NRG3: variants seen among roughly 807,000 people sequenced by gnomAD.
NRG3 encodes neuregulin 3.
A neutral mutation model predicts 66.9 loss-of-function variants in NRG3; 31 were observed. The observed-to-expected ratio is 0.46, with a 90% CI of 0.35 to 0.63. NRG3 has a LOEUF of 0.63. Among genes scored for constraint, NRG3 ranks in the 20% least tolerant of loss-of-function variants. The pLI is 0.00. For synonymous variants in NRG3, 393 were observed against 359.4 expected, an observed-to-expected ratio of 1.09 and a Z score of -1.06; for missense variants, 910 against 878.9, an observed-to-expected ratio of 1.04 and a Z score of -0.45.
chr10:81,903,824 A>G (rs562914784), intron 1 of NRG3, among the ~76,000 whole-genome samples: 1 of 152,224 alleles, frequency 6.6e-6, no homozygotes, highest in South Asian at 2.1e-4. Context: ...ATGGAAACCT[A>G]ATTATTCAGA....
intron 2 of NRG3, among the ~76,000 whole-genome samples, chr10:82,552,593 T>A (rs1431058354): frequency 6.6e-6 from 1 of 152,178 alleles, no homozygotes; most frequent in Non-Finnish European, 1.5e-5. Context: ...AACATTTCAG[T>A]AATTCTCCAA....
chr10:82,614,994 G>A (rs777108047), intron 2 of NRG3, among the ~76,000 whole-genome samples: 17 of 151,746 alleles, frequency 1.1e-4, no homozygotes, highest in South Asian at 4.2e-4. Flanking sequence ...TTGATAAAAC[G>A]GGTGGTATCC....
intron 1 of NRG3, among the ~76,000 whole-genome samples, chr10:81,919,370 C>T (rs761453585): frequency 1.3e-5 from 2 of 152,192 alleles, no homozygotes; most frequent in African/African-American, 2.4e-5. Context: ...CCTCTTTGAA[C>T]GTCTCCTCCC....
At chr10:82,302,428 A>C (rs2080455213) in intron 1 of NRG3, among the ~76,000 whole-genome samples, 1 of 152,136 alleles carries the variant, frequency 6.6e-6, no homozygotes, top group South Asian at 2.1e-4. Context: ...TAGTCACATA[A>C]AATTCTGCTG....
intron 3 of NRG3, among the ~76,000 whole-genome samples, chr10:82,826,838 T>G (rs936109826): frequency 6.6e-6 from 1 of 151,952 alleles, no homozygotes; most frequent in Admixed American, 6.6e-5. Context: ...GGACATACCT[T>G]GTACACCAAA....
intron 3 of NRG3, among the ~76,000 whole-genome samples, chr10:82,820,057 A>C (rs1047919398): frequency 6.6e-6 from 1 of 152,186 alleles, no homozygotes; most frequent in Non-Finnish European, 1.5e-5. Context: ...TACTTACAGG[A>C]TGGTTTCCGA....
At chr10:82,415,456 C>T (rs2088481315) in intron 2 of NRG3, among the ~76,000 whole-genome samples, 1 of 152,122 alleles carries the variant, frequency 6.6e-6, no homozygotes, top group African/African-American at 2.4e-5. Context: ...AGGAAAAATA[C>T]ACAAGAAGGA....
intron 1 of NRG3, among the ~76,000 whole-genome samples, chr10:82,222,459 G>C (rs1047339065): frequency 7.2e-5 from 11 of 152,088 alleles, no homozygotes; most frequent in Non-Finnish European, 1.6e-4. Context: ...GGACACAAAG[G>C]ATGTACCAAG....
chr10:82,543,917 A>G lies in NRG3; in HGVS notation c.953+185049A>G, dbSNP rs578199406. 8.5e-5 allele frequency among the ~76,000 whole-genome samples: 13 copies of G among 152,306 alleles called. No individual in the cohort carries two copies. In the South Asian group the frequency reaches 2.7e-3, roughly 32 times the overall value. ...CTGGAGCCTTTTTGCAGTGCTAGGG[A>G]TATGACAACTAAGCAAAGACTTCTG... On this transcript the variant is annotated intron_variant, in intron 2 of 8. Transcript: ENST00000372141.
At chr10:81,937,842 C>T (rs762922994) in intron 1 of NRG3, among the ~76,000 whole-genome samples, 3 of 152,018 alleles carry the variant, frequency 2.0e-5, no homozygotes, top group Non-Finnish European at 4.4e-5. Context: ...AAAGCTTCTC[C>T]CCTGATTCAT....
intron 1 of NRG3, among the ~76,000 whole-genome samples, chr10:82,313,158 G>A (rs1435894488): frequency 6.6e-6 from 1 of 151,814 alleles, no homozygotes; most frequent in Admixed American, 6.6e-5. Context: ...ACCTGACAGA[G>A]CGAGACCCTG....
chr10:82,307,578 A>G (rs183001124), intron 1 of NRG3, among the ~76,000 whole-genome samples: 144 of 152,320 alleles, frequency 9.5e-4, no homozygotes, highest in Non-Finnish European at 1.2e-3. Flanking sequence ...CTTTACCAGG[A>G]TGTTTCACAG....
chr10:82,085,994 T>A (rs1487959784), intron 1 of NRG3, among the ~76,000 whole-genome samples: 2 of 152,118 alleles, frequency 1.3e-5, no homozygotes, highest in Non-Finnish European at 2.9e-5. Flanking sequence ...GGGGATTAAA[T>A]ATTCAACAAA....
chr10:82,161,984 T>C (rs10884269), intron 1 of NRG3, among the ~76,000 whole-genome samples: 3,575 of 152,246 alleles, frequency 0.023, 73 homozygotes, highest in African/African-American at 0.056. Context: ...TTGATCATTC[T>C]CAATATCAGT....
At chr10:82,922,017 C>A (rs934725417) in intron 4 of NRG3, among the ~76,000 whole-genome samples, 6 of 151,934 alleles carry the variant, frequency 3.9e-5, no homozygotes, top group Admixed American at 6.6e-5. Flanking sequence ...AAATATAAAT[C>A]ATTGTTATCG....
chr10:82,367,724 G>C (rs1475571962), intron 2 of NRG3, among the ~76,000 whole-genome samples: 1 of 152,058 alleles, frequency 6.6e-6, no homozygotes, highest in Non-Finnish European at 1.5e-5. Context: ...ACCGAACGTG[G>C]TGGCTCACGC....
intron 8 of NRG3, among the ~76,000 whole-genome samples, chr10:82,984,413 G>A (rs893655074): frequency 1.3e-5 from 2 of 152,180 alleles, no homozygotes; most frequent in Admixed American, 6.5e-5. Context: ...ATGGGTAGAA[G>A]CCCTGTGGAA....
intron 7 of NRG3, among the ~76,000 whole-genome samples, chr10:82,977,776 T>A (rs1446890676): frequency 2.0e-5 from 3 of 152,102 alleles, no homozygotes; most frequent in Non-Finnish European, 2.9e-5. Context: ...TACCAGATTT[T>A]CAAACTCTAA....
At chr10:82,635,625 G>T (rs561367942) in intron 2 of NRG3, among the ~76,000 whole-genome samples, 2 of 152,068 alleles carry the variant, frequency 1.3e-5, no homozygotes, top group Non-Finnish European at 2.9e-5. Flanking sequence ...ATCTGTCCTC[G>T]ACGTAGCAGA....
Sources: allele counts gnomAD v4.1 joint callset (sites outside exome capture counted in the v4.1 genomes callset), GRCh38; gene constraint gnomAD v4.1.1; transcripts MANE v1.5; gene names NCBI Gene and HGNC (gene_info 2026-07-23, HGNC 2026-07-21).